USO1: variants seen among roughly 807,000 people sequenced by gnomAD.
USO1 encodes the protein USO1 vesicle transport factor.
USO1 carries 57 observed loss-of-function variants against 124.5 expected under a neutral mutation model. That is an observed-to-expected ratio of 0.46 (90% CI 0.37 to 0.57). The LOEUF (loss-of-function observed/expected upper bound fraction) is 0.57, where lower values mean the gene tolerates loss of function less well. Among genes scored for constraint, USO1 ranks in the 20% least tolerant of loss-of-function variants. The pLI is 0.00. For synonymous variants in USO1, 369 were observed against 362.8 expected, an observed-to-expected ratio of 1.02 and a Z score of -0.19; for missense variants, 900 against 1,040.6, an observed-to-expected ratio of 0.86 and a Z score of 1.86.
chr4:75,739,888 C>A (rs1240473417), intron 1 of USO1, among the ~76,000 whole-genome samples: 1 of 152,072 alleles, frequency 6.6e-6, no homozygotes, highest in Non-Finnish European at 1.5e-5. Context: ...TAAAAATAGA[C>A]CCCGTGTAGT....
At chr4:75,740,098 CAG>C (rs1460695083) in intron 1 of USO1, among the ~76,000 whole-genome samples, 1 of 152,122 alleles carries the variant, frequency 6.6e-6, no homozygotes, top group African/African-American at 2.4e-5. Flanking sequence ...CTTTGGAAGA[CAG>C]AGGCAGGAGG....
intron 7 of USO1, among the ~76,000 whole-genome samples, chr4:75,774,425 C>T (rs1191512022): frequency 1.3e-5 from 2 of 152,158 alleles, no homozygotes; most frequent in Admixed American, 1.3e-4. Context: ...ATGTTTATAT[C>T]ATAAAGTTGA....
intron 4 of USO1, among the ~76,000 whole-genome samples, chr4:75,762,663 T>C (rs1721651337): frequency 1.3e-5 from 2 of 152,160 alleles, no homozygotes; most frequent in South Asian, 4.1e-4. Flanking sequence ...GTACGGTGGC[T>C]CACGCCTGTA....
Position 75,813,349 on chromosome 4 carries a change from C to T in USO1, c.*54C>T. 1 of 1,462,666 alleles carries T rather than the reference C, an allele frequency of 6.8e-7. No homozygotes were observed. Among genetic ancestry groups the T allele is most frequent in the Non-Finnish European group, 9.0e-7 (1 of 1,106,090 alleles). 90.6% of individuals were successfully genotyped at this position (1,462,666 alleles called of 1,614,324 possible). ...TATATCATAACTCTGAAGATGGACT[C>T]TAAACTTTGGTTTACCTCCATGGAA... On this transcript the variant is annotated 3_prime_UTR_variant, in exon 24 of 24. Transcript: ENST00000514213.
intron 4 of USO1, among the ~76,000 whole-genome samples, chr4:75,766,818 A>C (rs1721780202): frequency 6.6e-6 from 1 of 152,244 alleles, no homozygotes; most frequent in African/African-American, 2.4e-5. Context: ...TAAGTGGTTG[A>C]ATATGAGTTT....
At chr4:75,741,294 A>G (rs1720952491) in intron 1 of USO1, among the ~76,000 whole-genome samples, 1 of 152,246 alleles carries the variant, frequency 6.6e-6, no homozygotes, top group Non-Finnish European at 1.5e-5. Context: ...TAGAGCTTGC[A>G]GGACCAGAAG....
rs550003649 is a variant in USO1, at chr4:75,811,312, T to C, written c.2583+773T>C. Among the ~76,000 whole-genome samples, 59 of 152,216 alleles carry C rather than the reference T, an allele frequency of 3.9e-4. 2 individuals are homozygous for C. Among genetic ancestry groups the C allele is most frequent in the Admixed American group, 3.7e-3 (56 of 15,284 alleles). On this transcript the variant is annotated intron_variant, in intron 22 of 23. Transcript: ENST00000514213. ...CTGGGATTTCAGGCACCTGCCAACATGCTCAGCTAATTTTTGTACTTTTAG... is the reference window on the plus strand; with the variant it reads ...CTGGGATTTCAGGCACCTGCCAACACGCTCAGCTAATTTTTGTACTTTTAG...
chr4:75,766,340 T>C (rs1334525105), intron 4 of USO1, among the ~76,000 whole-genome samples: 1 of 152,220 alleles, frequency 6.6e-6, no homozygotes, highest in Non-Finnish European at 1.5e-5. Flanking sequence ...TTTGAAAACT[T>C]AGTAAATATA....
intron 17 of USO1, among the ~76,000 whole-genome samples, chr4:75,801,815 T>A (rs1431994819): frequency 6.6e-6 from 1 of 152,232 alleles, no homozygotes; most frequent in Non-Finnish European, 1.5e-5. Flanking sequence ...TCTACATTAC[T>A]GAGATTAGTT....
chr4:75,762,281 A>T (rs894263010), intron 4 of USO1, among the ~76,000 whole-genome samples: 8 of 140,096 alleles, frequency 5.7e-5, no homozygotes, highest in Non-Finnish European at 1.1e-4. Context: ...AGCGATTCTC[A>T]TGCCTCAGCC....
intron 1 of USO1, among the ~76,000 whole-genome samples, chr4:75,726,886 AT>A (rs1208845254): frequency 1.3e-5 from 2 of 152,216 alleles, no homozygotes; most frequent in Non-Finnish European, 2.9e-5. Flanking sequence ...TTAGACTTTG[AT>A]TTGAATCCTG....
chr4:75,764,617 G>T (rs562754154), intron 4 of USO1, among the ~76,000 whole-genome samples: 2 of 151,846 alleles, frequency 1.3e-5, no homozygotes, highest in South Asian at 2.1e-4. Flanking sequence ...TCTATATGTG[G>T]TTTTTTTTCT....
chr4:75,795,334 A>G (rs1722648046), intron 13 of USO1: 1 of 702,452 alleles, frequency 1.4e-6, no homozygotes. Context: ...TATAATTTGC[A>G]GGGTGATAAG....
At chr4:75,777,715 C>A (rs4859554) in intron 8 of USO1, among the ~76,000 whole-genome samples, 1 of 151,940 alleles carries the variant, frequency 6.6e-6, no homozygotes, top group Non-Finnish European at 1.5e-5. Flanking sequence ...AGATGTGGAA[C>A]AACAAAAACA....
chr4:75,774,868 G>T (rs1722031186), intron 8 of USO1, 72 bp downstream of exon 8: 2 of 1,481,242 alleles, frequency 1.4e-6, no homozygotes, highest in Non-Finnish European at 1.8e-6. Context: ...AGGGAATACA[G>T]TTGGAGGGAG....
At chr4:75,807,493 G>A (rs984765226) in intron 20 of USO1, among the ~76,000 whole-genome samples, 1 of 151,924 alleles carries the variant, frequency 6.6e-6, no homozygotes, top group Non-Finnish European at 1.5e-5. Context: ...TGCTTTGAAA[G>A]AGAAATGACT....
intron 17 of USO1, among the ~76,000 whole-genome samples, chr4:75,803,554 G>A (rs1722913351): frequency 1.3e-5 from 2 of 151,370 alleles, no homozygotes; most frequent in Non-Finnish European, 1.5e-5. Context: ...GGAGGCTGAC[G>A]CAGGAGAATT....
chr4:75,804,003 T>A, intron 17 of USO1, 131 bp from the exon 18 acceptor site: 1 of 1,184,728 alleles, frequency 8.4e-7, no homozygotes, highest in Admixed American at 3.4e-5. Flanking sequence ...GCTTAATTAC[T>A]GAACGATTTT....
intron 13 of USO1, among the ~76,000 whole-genome samples, chr4:75,798,092 GTACTT>G (rs1276393099): frequency 1.3e-5 from 2 of 152,066 alleles, no homozygotes; most frequent in African/African-American, 4.8e-5. Flanking sequence ...TCACTCCTGA[GTACTT>G]TATCTTTTTT....
Sources: allele counts gnomAD v4.1 joint callset (sites outside exome capture counted in the v4.1 genomes callset), GRCh38; gene constraint gnomAD v4.1.1; transcripts MANE v1.5; gene names NCBI Gene and HGNC (gene_info 2026-07-23, HGNC 2026-07-21).